CAST: variants seen among roughly 807,000 people sequenced by gnomAD.
The protein encoded by CAST is calpastatin, also known as MIR583 host.
Under a neutral mutation model 119.6 loss-of-function variants are expected in CAST, and 76 were observed. The observed-to-expected ratio is 0.64, with a 90% CI of 0.53 to 0.77. CAST has a LOEUF of 0.77. CAST is among the 30% of genes least tolerant of loss of function. The pLI, the probability that CAST is intolerant of heterozygous loss-of-function variation, is 0.00. For synonymous variants in CAST, 319 were observed against 331.6 expected (o/e 0.96, Z 0.41); for missense variants, 953 against 946.5 (o/e 1.01, Z -0.09).
chr5:96,117,365 T>C, the CAST span, among the ~76,000 whole-genome samples: 50 of 152,344 alleles, frequency 3.3e-4, no homozygotes, highest in East Asian at 7.7e-4. Flanking sequence ...ATGTACCACA[T>C]AGCTCATCAC....
chr5:96,045,618 G>C, the CAST span, among the ~76,000 whole-genome samples: 1 of 152,086 alleles, frequency 6.6e-6, no homozygotes, highest in Non-Finnish European at 1.5e-5. Flanking sequence ...AATGACAATA[G>C]ATAATACTTA....
chr5:96,624,186 G>A (rs181009023), intron 1 of CAST, among the ~76,000 whole-genome samples: 3 of 152,222 alleles, frequency 2.0e-5, no homozygotes, highest in African/African-American at 4.8e-5. Flanking sequence ...CAAGGGAACA[G>A]TGTTCTGATA....
At chr5:96,041,351 G>A in the CAST span, among the ~76,000 whole-genome samples, 1 of 152,048 alleles carries the variant, frequency 6.6e-6, no homozygotes, top group African/African-American at 2.4e-5. Context: ...AGTTCTGATA[G>A]GGGACATCCA....
At chr5:95,978,263 C>G in the CAST span, among the ~76,000 whole-genome samples, 4 of 152,140 alleles carry the variant, frequency 2.6e-5, no homozygotes, top group Non-Finnish European at 5.9e-5. Context: ...ACACTTTTAC[C>G]AACAGTGTAT....
the CAST span, among the ~76,000 whole-genome samples, chr5:96,141,479 T>A: frequency 2.0e-5 from 3 of 152,198 alleles, no homozygotes; most frequent in Admixed American, 6.5e-5. Context: ...AAAAACAATT[T>A]GATAAATGCA....
At chr5:96,539,701 TG>T (rs1251104419) in intron 1 of CAST, among the ~76,000 whole-genome samples, 1 of 152,158 alleles carries the variant, frequency 6.6e-6, no homozygotes, top group African/African-American at 2.4e-5. Flanking sequence ...TGAGTTTCCT[TG>T]TATCAATAAT....
At chr5:96,771,786 C>T (rs1772455481) in intron 31 of CAST, 84 bp downstream of exon 31, 1 of 780,564 alleles carries the variant, frequency 1.3e-6, no homozygotes, top group Non-Finnish European at 2.2e-6. Context: ...TGAAGTCCAC[C>T]TCTTGAGTAA....
chr5:96,330,036 T>A, the CAST span, among the ~76,000 whole-genome samples: 1 of 152,220 alleles, frequency 6.6e-6, no homozygotes, highest in African/African-American at 2.4e-5. Flanking sequence ...GAATTACCCA[T>A]CTCTTGTCTT....
At chr5:96,484,466 T>C in the CAST span, among the ~76,000 whole-genome samples, 1 of 152,132 alleles carries the variant, frequency 6.6e-6, no homozygotes, top group African/African-American at 2.4e-5. Flanking sequence ...GAAGATGTGT[T>C]GATCCTAGCT....
chr5:96,662,518 C>G, intron 1 of CAST, 21 bp downstream of exon 1: 1 of 1,359,140 alleles, frequency 7.4e-7, no homozygotes, highest in South Asian at 1.8e-5. Context: ...CTCCTGTCGG[C>G]GTCGCGGGGC....
At chr5:95,986,049 T>C in the CAST span, among the ~76,000 whole-genome samples, 1 of 152,212 alleles carries the variant, frequency 6.6e-6, no homozygotes, top group Non-Finnish European at 1.5e-5. Flanking sequence ...TTTCCTACTT[T>C]TGCAAGCAGC....
At chr5:96,510,005 A>T in the CAST span, among the ~76,000 whole-genome samples, 159 of 152,150 alleles carry the variant, frequency 1.0e-3, 1 homozygote, top group African/African-American at 8.7e-4. Flanking sequence ...ATTTTTTTTT[A>T]AAAAAATAAG....
intron 3 of CAST, among the ~76,000 whole-genome samples, chr5:96,707,586 C>T (rs996113729): frequency 6.6e-6 from 1 of 151,970 alleles, no homozygotes; most frequent in Non-Finnish European, 1.5e-5. Flanking sequence ...GGGGTTTTGC[C>T]ATGTTGGTCA....
At chr5:96,723,105 G>T (rs1481053584) in intron 4 of CAST, among the ~76,000 whole-genome samples, 1 of 150,998 alleles carries the variant, frequency 6.6e-6, no homozygotes, top group African/African-American at 2.5e-5. Flanking sequence ...ACCATGCCCG[G>T]CTAATTGTTT....
chr5:96,197,629 C>G, the CAST span, among the ~76,000 whole-genome samples: 3 of 152,128 alleles, frequency 2.0e-5, no homozygotes, highest in African/African-American at 4.8e-5. Flanking sequence ...TTTAGTGAGC[C>G]ATTGCTATGT....
At chr5:96,048,569 G>A in the CAST span, among the ~76,000 whole-genome samples, 1 of 152,086 alleles carries the variant, frequency 6.6e-6, no homozygotes, top group East Asian at 1.9e-4. Flanking sequence ...GGTGGTGAGG[G>A]GCTGTGGGTA....
chr5:96,162,990 T>C, the CAST span, among the ~76,000 whole-genome samples: 1 of 152,240 alleles, frequency 6.6e-6, no homozygotes, highest in Non-Finnish European at 1.5e-5. Context: ...TTAATTTCAA[T>C]GTTTAGTAGA....
At chr5:95,983,874 A>C in the CAST span, among the ~76,000 whole-genome samples, 1 of 152,224 alleles carries the variant, frequency 6.6e-6, no homozygotes, top group Non-Finnish European at 1.5e-5. Flanking sequence ...AATTTACAGC[A>C]TACACCAAAA....
intron 1 of CAST, among the ~76,000 whole-genome samples, chr5:96,608,568 T>C (rs1747301123): frequency 6.6e-6 from 1 of 151,996 alleles, no homozygotes; most frequent in African/African-American, 2.4e-5. Context: ...AAAGTTCTCA[T>C]GCATAAATAT....
Sources: allele counts gnomAD v4.1 joint callset (sites outside exome capture counted in the v4.1 genomes callset), GRCh38; gene constraint gnomAD v4.1.1; transcripts MANE v1.5; gene names NCBI Gene and HGNC (gene_info 2026-07-23, HGNC 2026-07-21).